ALDH9A1: variants seen among roughly 807,000 people sequenced by gnomAD.
ALDH9A1 encodes the protein aldehyde dehydrogenase 9 family member A1.
In ALDH9A1, 42 loss-of-function variants were observed where a neutral mutation model predicts 56.6. That is an observed-to-expected ratio of 0.74 (90% CI 0.58 to 0.96). The LOEUF (loss-of-function observed/expected upper bound fraction) is 0.96. Ranked by LOEUF, ALDH9A1 falls within the 40% of genes least tolerant of loss-of-function variation. The pLI is 0.00. For synonymous variants in ALDH9A1, 242 were observed against 236.0 expected (o/e 1.03, Z -0.23); for missense variants, 661 against 651.5 (o/e 1.01, Z -0.16).
chr1:165,693,815 C>T (rs1421186841), intron 2 of ALDH9A1, among the ~76,000 whole-genome samples: 2 of 152,136 alleles, frequency 1.3e-5, no homozygotes, highest in African/African-American at 4.8e-5. Flanking sequence ...GGAACCAACC[C>T]AAATGCCCAT....
At chr1:165,676,205 G>C (rs1649350727) in intron 6 of ALDH9A1, 1 of 153,892 alleles carries the variant, frequency 6.5e-6, no homozygotes, top group African/African-American at 2.4e-5. Flanking sequence ...TACACCAGTA[G>C]CAACAAGCAC....
chr1:165,691,477 C>T (rs1649887545), intron 2 of ALDH9A1, among the ~76,000 whole-genome samples: 1 of 152,246 alleles, frequency 6.6e-6, no homozygotes, highest in Non-Finnish European at 1.5e-5. Flanking sequence ...AGTGCCTCTT[C>T]TCCTCCAAAG....
chr1:165,693,385 C>A (rs1460500148), intron 2 of ALDH9A1, among the ~76,000 whole-genome samples: 1 of 152,206 alleles, frequency 6.6e-6, no homozygotes, highest in Admixed American at 6.5e-5. Flanking sequence ...ACAAACAACC[C>A]CATCAACAAG....
At chr1:165,698,067 C>A (rs1450514941) in intron 1 of ALDH9A1, among the ~76,000 whole-genome samples, 1 of 152,018 alleles carries the variant, frequency 6.6e-6, no homozygotes, top group Non-Finnish European at 1.5e-5. Context: ...ACAAAACAAA[C>A]AAAAAAGGAA....
At chr1:165,671,454 G>A in intron 6 of ALDH9A1, 1 of 447,688 alleles carries the variant, frequency 2.2e-6, no homozygotes, top group Non-Finnish European at 4.4e-6. Flanking sequence ...TTCACATGAT[G>A]CTGCACAAGT....
At chr1:165,678,171 T>C (rs1649428886) in intron 6 of ALDH9A1, among the ~76,000 whole-genome samples, 1 of 151,738 alleles carries the variant, frequency 6.6e-6, no homozygotes, top group African/African-American at 2.4e-5. Flanking sequence ...CTGTCTCTAC[T>C]AAAAATACAA....
At chr1:165,691,748 T>C (rs1201903068) in intron 2 of ALDH9A1, among the ~76,000 whole-genome samples, 1 of 152,052 alleles carries the variant, frequency 6.6e-6, no homozygotes, top group Non-Finnish European at 1.5e-5. Flanking sequence ...AGCATCAGCC[T>C]GATACCAAGA....
chr1:165,685,461 T>G (rs1036655265), intron 2 of ALDH9A1, among the ~76,000 whole-genome samples: 7 of 152,220 alleles, frequency 4.6e-5, no homozygotes, highest in Non-Finnish European at 1.0e-4. Context: ...AATACAATTA[T>G]GTACAACAAT....
At chr1:165,664,007 C>A (rs1648926843) in intron 10 of ALDH9A1, among the ~76,000 whole-genome samples, 1 of 152,198 alleles carries the variant, frequency 6.6e-6, no homozygotes, top group Admixed American at 6.5e-5. Context: ...TGATTCCAAA[C>A]AAATAATTCC....
At chr1:165,680,708 TA>T in intron 4 of ALDH9A1, 25 bp from the exon 5 acceptor site, 1 of 1,568,738 alleles carries the variant, frequency 6.4e-7, no homozygotes, top group South Asian at 1.2e-5. Flanking sequence ...GACACAAACA[TA>T]AAAAGACTTT....
rs749408808 is a variant in ALDH9A1 at position 165,668,866 on chromosome 1, A to G, written c.1207+60T>C. 14 of 1,271,284 alleles carry G rather than the reference A, an allele frequency of 1.1e-5. No homozygotes were observed. The South Asian group carries it at 1.8e-4, about 16-fold the overall frequency. 78.8% of individuals were successfully genotyped at this position (1,271,284 alleles called of 1,614,324 possible). A position where few individuals can be genotyped will look rare whatever the true frequency, so the allele number is the denominator to read the frequency against. On this transcript the variant is annotated intron_variant, in intron 8 of 10. Coordinates refer to ENST00000354775, the MANE Select transcript of ALDH9A1 (RefSeq NM_000696.4). ...TCATGTACATATTTTATAAATATTC[A>G]TCTCTATCTATTCAGTATTTAATTC...
intron 4 of ALDH9A1, 93 bp downstream of exon 4, chr1:165,682,014 G>A (rs1649566205): frequency 1.1e-5 from 17 of 1,504,842 alleles, no homozygotes; most frequent in Non-Finnish European, 1.5e-5. Flanking sequence ...TTTAAAGTGT[G>A]TGTTTATAGA....
intron 6 of ALDH9A1, among the ~76,000 whole-genome samples, chr1:165,675,563 G>A (rs1649332002): frequency 6.6e-6 from 1 of 152,148 alleles, no homozygotes; most frequent in Admixed American, 6.5e-5. Context: ...AGGAGGCACT[G>A]GAAACAGAGT....
Position 165,667,381 on chromosome 1 carries a change from A to T in ALDH9A1, c.1277T>A (p.Phe426Tyr), listed in dbSNP as rs781496541. The T allele has an allele frequency of 1.9e-6, 3 of 1,614,124 alleles. No homozygotes were observed. The highest frequency in any genetic ancestry group is 2.5e-6 in the Non-Finnish European group (3 of 1,179,988). ...TTCTAGAACCTCAGCTTCAGTGTCA[A>T]ATGATAAAATGGACATAACAGGCCC... ...IFGPVMSILS[F>Y]DTEAEVLERA... Residue 426 changes from phenylalanine to tyrosine, a missense_variant, in exon 9 of 11, where the codon TTT (phenylalanine) becomes TAT (tyrosine). Coordinates refer to ENST00000354775, the MANE Select transcript of ALDH9A1 (RefSeq NM_000696.4).
chr1:165,666,479 G>A (rs913062943), intron 9 of ALDH9A1, among the ~76,000 whole-genome samples: 6 of 152,150 alleles, frequency 3.9e-5, no homozygotes, highest in African/African-American at 1.4e-4. Context: ...ACCGGACTTT[G>A]TCTGTACGAG....
At chr1:165,688,831 T>C (rs1649793701) in intron 2 of ALDH9A1, among the ~76,000 whole-genome samples, 1 of 152,158 alleles carries the variant, frequency 6.6e-6, no homozygotes, top group South Asian at 2.1e-4. Context: ...TAAATTGGGG[T>C]GAAGGCAGGT....
At chr1:165,695,495 TTTTTTTTTTTTTTTTC>T (rs1482900924) in intron 1 of ALDH9A1, 98 bp from the exon 2 acceptor site, 3 of 897,274 alleles carry the variant, frequency 3.3e-6, no homozygotes, top group East Asian at 4.9e-5. Context: ...GTCTTTTTTT[TTTTTTTTTTTTTTTTC>T]TTGAGATGGA....
chr1:165,694,546 C>T (rs1650002346), intron 2 of ALDH9A1, among the ~76,000 whole-genome samples: 1 of 151,604 alleles, frequency 6.6e-6, no homozygotes, highest in East Asian at 1.9e-4. Flanking sequence ...ATGAAATCTT[C>T]CCAATTAAAG....
intron 10 of ALDH9A1, among the ~76,000 whole-genome samples, 155 bp downstream of exon 10, chr1:165,664,863 G>A (rs1348735575): frequency 6.6e-6 from 1 of 152,212 alleles, no homozygotes; most frequent in African/African-American, 2.4e-5. Flanking sequence ...TCCATTCCCA[G>A]AGACTGCTAC....
Sources: gnomAD v4.1 joint callset for allele counts (sites outside exome capture counted in the v4.1 genomes callset) on GRCh38, gnomAD v4.1.1 for gene constraint, MANE v1.5 for transcripts, NCBI Gene and HGNC (gene_info 2026-07-23, HGNC 2026-07-21) for gene names.